Variants in AGAP1 observed in about 807,000 individuals in gnomAD.
AGAP1 encodes the protein arf-GAP with GTPase, ANK repeat and PH domain-containing protein 1.
In AGAP1, 29 loss-of-function variants were observed where a neutral mutation model predicts 105.3. The observed-to-expected ratio is 0.28, with a 90% CI of 0.21 to 0.38. The LOEUF (loss-of-function observed/expected upper bound fraction) is 0.38. Ranked by LOEUF, AGAP1 falls within the 10% of genes least tolerant of loss-of-function variation. AGAP1 has a pLI of 1.00. For missense variants in AGAP1, 998 were observed against 1,165.1 expected (o/e 0.86, Z 2.09); for synonymous variants, 509 against 485.9 (o/e 1.05, Z -0.63).
chr2:235,669,902 C>T (rs919993869), intron 1 of AGAP1: 2 of 147,872 alleles, frequency 1.4e-5, no homozygotes, highest in African/African-American at 4.9e-5. Context: ...CGCCCCGGGC[C>T]CGGACCCCGG....
At chr2:235,806,705 A>G (rs58223052) in intron 8 of AGAP1, among the ~76,000 whole-genome samples, 2,359 of 152,184 alleles carry the variant, frequency 0.016, 46 homozygotes, top group African/African-American at 0.053. Flanking sequence ...TTAACTTCGA[A>G]TTTGCCATTT....
In AGAP1 at chr2:235,732,284, G is replaced by A. The variant is rs1951995932; in HGVS notation, c.311-8679G>A. Among the ~76,000 whole-genome samples, 1 of 152,152 alleles carries A rather than the reference G, an allele frequency of 6.6e-6. No homozygotes were observed. Among genetic ancestry groups the A allele is most frequent in the Non-Finnish European group, 1.5e-5 (1 of 68,030 alleles). ...CTGTCTTTTTAATCTCATTGACTGT[G>A]TCTGTTTCAAGCCATTCCTCTGTGT... On this transcript the variant is annotated intron_variant, in intron 3 of 17. Transcript: ENST00000304032. The surrounding 1 kb of genome is among the most constrained non-coding windows in gnomAD (Gnocchi z 4.8).
chr2:236,122,746 G>A (rs1006787277), intron 17 of AGAP1, among the ~76,000 whole-genome samples: 16 of 144,336 alleles, frequency 1.1e-4, no homozygotes, highest in Non-Finnish European at 1.8e-4. Flanking sequence ...GCAGTGGCAC[G>A]ATCTCGGCTC....
chr2:235,536,260 C>A (rs1943219093), intron 1 of AGAP1, among the ~76,000 whole-genome samples: 1 of 30,302 alleles, frequency 3.3e-5, no homozygotes, highest in Non-Finnish European at 5.8e-5. Flanking sequence ...ATCCTACACA[C>A]ACACACACAC....
chr2:235,502,791 TTA>T (rs897262509), intron 1 of AGAP1, among the ~76,000 whole-genome samples: 1 of 151,740 alleles, frequency 6.6e-6, no homozygotes. Context: ...CACAAATGAT[TTA>T]TGTTTGGTCT....
rs2058649288 is a variant in AGAP1 at position 236,076,914 on chromosome 2, AG to A, written c.2114+27636del. Among the ~76,000 whole-genome samples, 1 of 151,646 alleles carries A rather than the reference AG, an allele frequency of 6.6e-6. No homozygotes were observed. Among genetic ancestry groups the A allele is most frequent in the Non-Finnish European group, 1.5e-5 (1 of 67,904 alleles). On this transcript the variant is annotated intron_variant, in intron 16 of 17. Coordinates refer to ENST00000304032, the MANE Select transcript of AGAP1 (RefSeq NM_001037131.3). This position sits in a 1 kb window ranked among gnomAD's most constrained non-coding sequence, Gnocchi z 4.4. ...TGAGCCTAGGAGTTCAAGACCAGCC[AG>A]GGCAACATGGCAAAACCCTGTCACT... is the stretch of plus-strand genomic sequence containing the variant.
intron 1 of AGAP1, among the ~76,000 whole-genome samples, chr2:235,594,804 CCTCAAG>C: frequency 6.6e-6 from 1 of 151,106 alleles, no homozygotes; most frequent in Non-Finnish European, 1.5e-5. Flanking sequence ...GGACTCCTGG[CCTCAAG>C]TGATCCACCT....
At chr2:236,081,940 G>A (rs775666394) in intron 16 of AGAP1, among the ~76,000 whole-genome samples, 5 of 152,128 alleles carry the variant, frequency 3.3e-5, no homozygotes, top group Non-Finnish European at 2.9e-5. Context: ...AAGGGGGATG[G>A]AACCCTAACA....
rs1439021611 is a variant in AGAP1, at chr2:235,882,007, GA to G, written c.1051-1336del. On this transcript the variant is annotated intron_variant, in intron 9 of 17. Transcript: ENST00000304032. The surrounding 1 kb of genome is among the most constrained non-coding windows in gnomAD (Gnocchi z 4.6). ...ATTCTGCTTTACAAATATAAGGTGA[GA>G]ATACAGTTAATGCAGTTTGGGTTTT... is the stretch of plus-strand genomic sequence containing the variant. 5.9e-5 allele frequency among the ~76,000 whole-genome samples: 9 copies of G among 152,248 alleles called. No individual in the cohort carries two copies. The East Asian group carries it at 1.5e-3, about 26-fold the overall frequency.
intron 1 of AGAP1, among the ~76,000 whole-genome samples, chr2:235,694,404 G>A (rs1260284794): frequency 6.6e-6 from 1 of 151,618 alleles, no homozygotes. Context: ...GCGTGAACAC[G>A]GGAGGCAGAG....
chr2:235,911,651 T>C (rs2051624360), intron 11 of AGAP1, among the ~76,000 whole-genome samples: 1 of 152,242 alleles, frequency 6.6e-6, no homozygotes, highest in African/African-American at 2.4e-5. Context: ...GGCATGGGCC[T>C]TTCTCTTTGA....
chr2:235,636,480 A>G (rs1354976481), intron 1 of AGAP1, among the ~76,000 whole-genome samples: 1 of 152,116 alleles, frequency 6.6e-6, no homozygotes, highest in Non-Finnish European at 1.5e-5. Flanking sequence ...TCTGGTCTCG[A>G]ACCCTCAGTC....
At chr2:236,084,171 G>T (rs188432266) in intron 16 of AGAP1, among the ~76,000 whole-genome samples, 5 of 152,082 alleles carry the variant, frequency 3.3e-5, no homozygotes, top group Admixed American at 6.5e-5. Context: ...GGGAGGCCCC[G>T]GTGGGGAACA....
intron 13 of AGAP1, among the ~76,000 whole-genome samples, chr2:236,028,222 G>T (rs1490896083): frequency 2.0e-5 from 3 of 152,118 alleles, no homozygotes; most frequent in South Asian, 2.1e-4. Flanking sequence ...TCTTTACTCT[G>T]TTGGGCCTTG....
At chr2:235,682,797 C>CGTGTGTGTGT (rs71064869) in intron 1 of AGAP1, among the ~76,000 whole-genome samples, 45,522 of 149,402 alleles carry the variant, frequency 0.3, 7,185 homozygotes, top group African/African-American at 0.41. Flanking sequence ...TGTGTGCACA[C>CGTGTGTGTGT]GTGTGTGTGT....
At position 235,695,870 on chromosome 2, in the gene AGAP1, A is replaced by G. The variant is rs185026939; in HGVS notation, c.164-13309A>G. ...TCTGGACATCAGACAGCATTGTTGC[A>G]GGAGATACTGAATAACCAACCCCTC... On this transcript the variant is annotated intron_variant, in intron 1 of 17. Transcript: ENST00000304032. 1.1e-3 allele frequency among the ~76,000 whole-genome samples: 166 copies of G among 152,304 alleles called. 1 individual carries two copies. In the South Asian group the frequency reaches 0.013, roughly 12 times the overall value.
At chr2:235,589,186 A>ATTTTTTTTTTTTTTTTTTTTTTT (rs1559270688) in intron 1 of AGAP1, among the ~76,000 whole-genome samples, 2 of 35,086 alleles carry the variant, frequency 5.7e-5, no homozygotes. Flanking sequence ...TTAATAGCTT[A>ATTTTTTTTTTTTTTTTTTTTTTT]TTGTTTTGTT....
At chr2:236,107,365 C>T (rs2059525334) in intron 16 of AGAP1, among the ~76,000 whole-genome samples, 1 of 152,202 alleles carries the variant, frequency 6.6e-6, no homozygotes, top group African/African-American at 2.4e-5. Context: ...ACTAGCTAGC[C>T]TCACGCATCC....
intron 1 of AGAP1, among the ~76,000 whole-genome samples, chr2:235,521,058 C>T (rs1244185469): frequency 1.3e-5 from 2 of 152,212 alleles, no homozygotes; most frequent in Non-Finnish European, 2.9e-5. Context: ...TTCTCAGGGA[C>T]ACGAACATAA....
Sources: allele counts gnomAD v4.1 joint callset (sites outside exome capture counted in the v4.1 genomes callset), GRCh38; gene constraint gnomAD v4.1.1; non-coding constraint Gnocchi (gnomAD v3.1); transcripts MANE v1.5; gene names NCBI Gene and HGNC (gene_info 2026-07-23, HGNC 2026-07-21).